The following C1QTNF3 variants were observed in gnomAD, a reference collection of about 807,000 sequenced individuals.
The protein encoded by C1QTNF3 is C1q and TNF related 3, also known as complement C1q tumor necrosis factor-related protein 3.
C1QTNF3 carries 26 observed loss-of-function variants against 32.6 expected under a neutral mutation model. The observed-to-expected ratio is 0.80, with a 90% CI of 0.58 to 1.11. The LOEUF is 1.11. Among genes scored for constraint, C1QTNF3 ranks in the 50% least tolerant of loss-of-function variants. The pLI, the probability that C1QTNF3 is intolerant of heterozygous loss-of-function variation, is 0.00. For synonymous variants in C1QTNF3, 155 were observed against 146.0 expected, an observed-to-expected ratio of 1.06 and a Z score of -0.44; for missense variants, 362 against 398.2, an observed-to-expected ratio of 0.91 and a Z score of 0.77.
At chr5:34,062,913 A>G in the C1QTNF3 span, among the ~76,000 whole-genome samples, 2 of 152,234 alleles carry the variant, frequency 1.3e-5, no homozygotes, top group Non-Finnish European at 2.9e-5. Context: ...TGTGCTCCCA[A>G]TGAGGTTTCC....
the C1QTNF3 span, among the ~76,000 whole-genome samples, chr5:34,221,907 A>G: frequency 6.6e-6 from 1 of 152,016 alleles, no homozygotes; most frequent in East Asian, 1.9e-4. Context: ...GGCTTCTCAT[A>G]TGCCATGCCC....
At chr5:34,058,014 C>T in the C1QTNF3 span, among the ~76,000 whole-genome samples, 1 of 152,180 alleles carries the variant, frequency 6.6e-6, no homozygotes. Flanking sequence ...CTGGACCATC[C>T]TTGACAGAAA....
At chr5:34,155,126 G>A in the C1QTNF3 span, among the ~76,000 whole-genome samples, 1 of 152,078 alleles carries the variant, frequency 6.6e-6, no homozygotes, top group East Asian at 1.9e-4. Context: ...ACAAAATAGA[G>A]CTTGGCTATA....
At chr5:34,218,275 AC>A in the C1QTNF3 span, 3 of 151,966 alleles carry the variant, frequency 2.0e-5, no homozygotes, top group East Asian at 5.8e-4. Context: ...AAAGATCAAA[AC>A]GTCACCTTTA....
chr5:34,087,570 C>CTTTTTTTT, the C1QTNF3 span, among the ~76,000 whole-genome samples: 7 of 70,024 alleles, frequency 1.0e-4, no homozygotes, highest in Admixed American at 2.0e-4. Context: ...ACGCTTTTGT[C>CTTTTTTTT]TTTTTTTTTT....
the C1QTNF3 span, among the ~76,000 whole-genome samples, chr5:34,178,043 G>T: frequency 6.7e-6 from 1 of 149,552 alleles, no homozygotes; most frequent in Non-Finnish European, 1.5e-5. Context: ...AAGGCAGGTG[G>T]ATCGCTTGAG....
the C1QTNF3 span, among the ~76,000 whole-genome samples, chr5:34,153,886 ACAAAG>A: frequency 2.6e-5 from 4 of 151,158 alleles, no homozygotes; most frequent in East Asian, 1.9e-4. Flanking sequence ...CAAAAGCAAA[ACAAAG>A]CAAACTAACT....
the C1QTNF3 span, among the ~76,000 whole-genome samples, chr5:34,067,133 C>A: frequency 1.3e-5 from 2 of 152,210 alleles, no homozygotes; most frequent in Non-Finnish European, 2.9e-5. Context: ...CATCTGATAT[C>A]ATCTCAGCCT....
At chr5:34,154,075 T>G in the C1QTNF3 span, among the ~76,000 whole-genome samples, 3 of 152,034 alleles carry the variant, frequency 2.0e-5, no homozygotes, top group Non-Finnish European at 4.4e-5. Context: ...GCAAGGTCTA[T>G]CTATCTAATA....
the C1QTNF3 span, among the ~76,000 whole-genome samples, chr5:34,136,376 G>A: frequency 6.6e-6 from 1 of 152,214 alleles, no homozygotes; most frequent in Non-Finnish European, 1.5e-5. Flanking sequence ...AGACATTTAT[G>A]CAGCCAACAG....
In C1QTNF3 at chr5:34,043,106, A is replaced by G. The variant is rs1561062610; in HGVS notation, c.20T>C (p.Ile7Thr). The G allele has an allele frequency of 6.2e-7, 1 of 1,613,034 alleles. No individual in the cohort carries two copies. The highest frequency in any genetic ancestry group is 8.5e-7 in the Non-Finnish European group (1 of 1,179,920). Residue 7 changes from isoleucine to threonine, a missense_variant, in exon 1 of 6, where the codon ATC becomes ACC. Ile to Thr is a moderately conservative substitution (Grantham distance 89). Transcript: ENST00000382065. MLWRQL[I>T]YWQLLALFFL... Reference sequence around the variant, plus strand: ...AAACAAAGCCAGCAGTTGCCAATAGATGAGCTGCCTCCAAAGCATGATTCT... The same window carrying G: ...AAACAAAGCCAGCAGTTGCCAATAGGTGAGCTGCCTCCAAAGCATGATTCT...
At chr5:34,065,036 G>A in the C1QTNF3 span, among the ~76,000 whole-genome samples, 4 of 152,038 alleles carry the variant, frequency 2.6e-5, no homozygotes, top group Admixed American at 6.5e-5. Context: ...AAATAAAAAC[G>A]ACAAGTAGGT....
chr5:34,213,822 TGTGTG>T, the C1QTNF3 span, among the ~76,000 whole-genome samples: 3,897 of 18,654 alleles, frequency 0.21, 703 homozygotes, highest in East Asian at 0.33. Flanking sequence ...TTTTTTTTTT[TGTGTG>T]TGTGATGGAG....
At chr5:34,093,148 T>C in the C1QTNF3 span, among the ~76,000 whole-genome samples, 77,756 of 151,608 alleles carry the variant, frequency 0.51, 22,012 homozygotes, top group Non-Finnish European at 0.63. Flanking sequence ...AAATTGCTAC[T>C]GCAGCCAACA....
the C1QTNF3 span, chr5:34,165,816 A>C: frequency 1.3e-5 from 2 of 150,188 alleles, no homozygotes; most frequent in East Asian, 3.9e-4. Flanking sequence ...GTATACTATA[A>C]ATATTTTCCA....
At chr5:34,112,965 T>C in the C1QTNF3 span, among the ~76,000 whole-genome samples, 56 of 151,802 alleles carry the variant, frequency 3.7e-4, no homozygotes, top group African/African-American at 1.4e-3. Context: ...AGTCAACTGC[T>C]GGAAATTAGA....
At chr5:34,200,536 C>T in the C1QTNF3 span, 6 of 152,034 alleles carry the variant, frequency 3.9e-5, no homozygotes, top group South Asian at 4.2e-4. Flanking sequence ...CATTTTCACC[C>T]CCCAGCAATT....
the C1QTNF3 span, chr5:34,200,564 G>A: frequency 6.6e-6 from 1 of 151,724 alleles, no homozygotes; most frequent in Non-Finnish European, 1.5e-5. Context: ...TTTCATTCTC[G>A]GAAAAATATA....
chr5:34,184,534 C>T, the C1QTNF3 span, among the ~76,000 whole-genome samples: 2 of 152,366 alleles, frequency 1.3e-5, no homozygotes, highest in African/African-American at 4.8e-5. Context: ...CACAACCTGG[C>T]GAAACCCCGT....
Sources: allele counts gnomAD v4.1 joint callset (sites outside exome capture counted in the v4.1 genomes callset), GRCh38; gene constraint gnomAD v4.1.1; transcripts MANE v1.5; gene names NCBI Gene and HGNC (gene_info 2026-07-23, HGNC 2026-07-21).